Variants in ALKBH7 observed in about 807,000 individuals in gnomAD.
ALKBH7 encodes the protein RNA demethylase ALKBH7, mitochondrial.
A neutral mutation model predicts 19.3 loss-of-function variants in ALKBH7; 21 were observed. That is an observed-to-expected ratio of 1.09 (90% CI 0.77 to 1.56). The LOEUF is 1.56. Ranked by LOEUF, ALKBH7 falls within the 40% of genes most tolerant of loss-of-function variation. The probability of loss-of-function intolerance (pLI) is 0.00; values close to 1 mark genes in which losing one functional copy is unlikely to be tolerated. For synonymous variants in ALKBH7, 147 were observed against 139.5 expected (o/e 1.05, Z -0.38); for missense variants, 354 against 311.4 (o/e 1.14, Z -1.03).
intron 1 of ALKBH7, chr19:6,373,651 C>T: frequency 6.1e-6 from 7 of 1,140,040 alleles, no homozygotes; most frequent in Non-Finnish European, 7.5e-6. Context: ...GTGGGGGGGA[C>T]GGGGAAGTCG....
At position 6,372,816 on chromosome 19, in the gene ALKBH7, G is replaced by T; in HGVS notation, c.-5G>T. The T allele has an allele frequency of 6.5e-7, 1 of 1,541,932 alleles. No homozygotes were observed. ...TGCCCTCTCTCATGACCCCGCTCCG[G>T]GATTATGGCCGGGACTGGGCTGCTG... On this transcript the variant is annotated 5_prime_UTR_variant, in exon 1 of 4. Transcript: ENST00000245812.
chr19:6,375,232 C>G lies in ALKBH7; in HGVS notation c.*259C>G. Reference sequence around the variant, plus strand: ...CTCGTTGTCTCTGCATCCAGGTCTCCAATAAATAAGTCAGCCGAGCTCCCC... The same window carrying G: ...CTCGTTGTCTCTGCATCCAGGTCTCGAATAAATAAGTCAGCCGAGCTCCCC... On this transcript the variant is annotated 3_prime_UTR_variant, in exon 4 of 4. Transcript: ENST00000245812. The G allele has an allele frequency of 7.2e-7, 1 of 1,388,036 alleles. No homozygotes were observed. Among genetic ancestry groups the G allele is most frequent in the Non-Finnish European group, 9.3e-7 (1 of 1,077,048 alleles). 86.0% of individuals were successfully genotyped at this position (1,388,036 alleles called of 1,614,324 possible). A position where few individuals can be genotyped will look rare whatever the true frequency, so the allele number is the denominator to read the frequency against.
At position 6,372,955 on chromosome 19, in the gene ALKBH7, G is replaced by A. The variant is rs1242642379; in HGVS notation, c.135G>A (p.Glu45=). ...CTGGCTTCCTGAGCACGGCAGAGGA[G>A]GAGACGCTGAGCCGAGAACTGGAGC... ...VRPGFLSTAE[E]ETLSRELEPE... is the part of the protein sequence containing the mutation. Residue 45 remains glutamate, a synonymous_variant, in exon 1 of 4, where the codon GAG becomes GAA. Transcript: ENST00000245812. The A allele has an allele frequency of 6.3e-7, 1 of 1,574,946 alleles. No homozygotes were observed. Among genetic ancestry groups the A allele is most frequent in the Middle Eastern group, 2.3e-4 (1 of 4,388 alleles).
chr19:6,374,591 T>A lies in ALKBH7; in HGVS notation c.503+2T>A. 6.2e-7 allele frequency: 1 copy of A among 1,612,790 alleles called. No homozygotes were observed. Among genetic ancestry groups the A allele is most frequent in the Non-Finnish European group, 8.5e-7 (1 of 1,179,922 alleles). ...GCCGGGCTCCCTCTACATCCTTAGGTACCTCCATCCAGGCAGCACCCACCC... is the reference window on the plus strand; with the variant it reads ...GCCGGGCTCCCTCTACATCCTTAGGAACCTCCATCCAGGCAGCACCCACCC... On this transcript the variant is annotated splice_donor_variant, in intron 3 of 3. Transcript: ENST00000245812. LOFTEE classifies it high-confidence loss of function.
At chr19:6,373,935 G>A (rs1786689101) in intron 1 of ALKBH7, 1 of 985,110 alleles carries the variant, frequency 1.0e-6, no homozygotes, top group South Asian at 4.7e-5. Context: ...AGGACACTTG[G>A]GTGGGGTCAA....
At chr19:6,373,919 A>T (rs763032108) in intron 1 of ALKBH7, 52 of 985,074 alleles carry the variant, frequency 5.3e-5, no homozygotes, top group Admixed American at 3.1e-4. Context: ...GTTGAGAGAC[A>T]GAGACAGGAC....
chr19:6,375,209 C>T lies in ALKBH7; in HGVS notation c.*236C>T, dbSNP rs958345376. 76 of 1,361,864 alleles carry T rather than the reference C, an allele frequency of 5.6e-5. 1 individual carries two copies. In the South Asian group the frequency reaches 7.0e-4, roughly 13 times the overall value. The allele number at this position is 1,361,864 out of a possible 1,614,324, so 84.4% of individuals were successfully genotyped here. On this transcript the variant is annotated 3_prime_UTR_variant, in exon 4 of 4. Coordinates refer to ENST00000245812, the MANE Select transcript of ALKBH7 (RefSeq NM_032306.4). Reference sequence around the variant, plus strand: ...GGTCGCCCCAGCCCACTCCCCTCCTCGTTGTCTCTGCATCCAGGTCTCCAA... The same window carrying T: ...GGTCGCCCCAGCCCACTCCCCTCCTTGTTGTCTCTGCATCCAGGTCTCCAA...
Position 6,375,197 on chromosome 19 carries a change from C to T in ALKBH7, c.*224C>T. 2 of 1,343,084 alleles carry T rather than the reference C, an allele frequency of 1.5e-6. No individual in the cohort carries two copies. Among genetic ancestry groups the T allele is most frequent in the Non-Finnish European group, 1.9e-6 (2 of 1,034,010 alleles). The allele number at this position is 1,343,084 out of a possible 1,614,324, so 83.2% of individuals were successfully genotyped here. On this transcript the variant is annotated 3_prime_UTR_variant, in exon 4 of 4. Coordinates refer to ENST00000245812, the MANE Select transcript of ALKBH7 (RefSeq NM_032306.4). ...GCACTCACTGCTGGTCGCCCCAGCC[C>T]ACTCCCCTCCTCGTTGTCTCTGCAT...
Position 6,372,944 on chromosome 19 carries a change from A to T in ALKBH7, c.124A>T (p.Thr42Ser), listed in dbSNP as rs763178902. The T allele has an allele frequency of 1.0e-5, 16 of 1,571,134 alleles. No homozygotes were observed. Among genetic ancestry groups the T allele is most frequent in the Non-Finnish European group, 1.4e-5 (16 of 1,161,204 alleles). The change falls in exon 1 of 4, where the codon ACG (threonine) becomes TCG (serine). Residue 42 changes from threonine (T) to serine (S), a missense_variant. Thr to Ser is a moderately conservative substitution (Grantham distance 58, BLOSUM62 1). Coordinates refer to ENST00000245812, the MANE Select transcript of ALKBH7 (RefSeq NM_032306.4). ...AAVVRPGFLS[T>S]AEEETLSREL... The stretch of plus-strand genomic sequence containing the variant: ...CGTGGTGCGGCCTGGCTTCCTGAGC[A>T]CGGCAGAGGAGGAGACGCTGAGCCG...
chr19:6,373,721 G>T, intron 1 of ALKBH7: 1 of 1,261,020 alleles, frequency 7.9e-7, no homozygotes, highest in Non-Finnish European at 9.9e-7. Flanking sequence ...ATGCTGGGAT[G>T]GGGCAGGGCC....
At position 6,374,974 on chromosome 19, in the gene ALKBH7, C is replaced by G. The variant is rs1044722766; in HGVS notation, c.*1C>G. ...TGGACAGCCGCCCCCAGCCTGCTGA[C>G]CCCCAGCTTTCTACAGACACCAGAT... On this transcript the variant is annotated 3_prime_UTR_variant, in exon 4 of 4. Transcript: ENST00000245812. 6.3e-7 allele frequency: 1 copy of G among 1,589,500 alleles called. No homozygotes were observed. Among genetic ancestry groups the G allele is most frequent in the Non-Finnish European group, 8.6e-7 (1 of 1,165,322 alleles).
rs1241345072 is a variant in ALKBH7, at chr19:6,374,258, C to T, written c.260C>T (p.Ala87Val). 2 of 1,613,390 alleles carry T rather than the reference C, an allele frequency of 1.2e-6. No individual in the cohort carries two copies. The highest frequency in any genetic ancestry group is 1.7e-6 in the Non-Finnish European group (2 of 1,179,822). The change falls in exon 2 of 4, where the codon GCC becomes GTC. Residue 87 changes from alanine (A) to valine (V), a missense_variant. Physicochemically the swap from Ala to Val is moderately conservative, Grantham distance 64. Coordinates refer to ENST00000245812, the MANE Select transcript of ALKBH7 (RefSeq NM_032306.4). ...TCGCGCTGGTCAGAAGCCAGCCGGGCCATCCTGCAGCGCGTGCAGGCGGCC... is the reference window on the plus strand; with the variant it reads ...TCGCGCTGGTCAGAAGCCAGCCGGGTCATCCTGCAGCGCGTGCAGGCGGCC... ...EKSRWSEASRAILQRVQAAAF... is the reference protein window; with the variant it reads ...EKSRWSEASRVILQRVQAAAF...
In ALKBH7 at chr19:6,374,361, C is replaced by G; in HGVS notation, c.363C>G (p.His121Gln). 1 of 1,609,344 alleles carries G rather than the reference C, an allele frequency of 6.2e-7. No homozygotes were observed. The highest frequency in any genetic ancestry group is 8.5e-7 in the Non-Finnish European group (1 of 1,178,152). The change falls in exon 2 of 4, where the codon CAC (histidine) becomes CAG (glutamine). Residue 121 changes from histidine to glutamine, a missense_variant. Physicochemically the swap from His to Gln is conservative, Grantham distance 24. Transcript: ENST00000245812. The stretch of plus-strand genomic sequence containing the variant: ...AAGCCCGCGGCTACATCAAGCCCCA[C>G]GTGGACAGCATCAAGGTGGGCAGAG... ...DLEARGYIKPHVDSIKFCGAT... is the reference protein window; with the variant it reads ...DLEARGYIKPQVDSIKFCGAT...
chr19:6,374,101 G>T, intron 1 of ALKBH7, 102 bp from the exon 2 acceptor site: 1 of 1,572,148 alleles, frequency 6.4e-7, no homozygotes, highest in Non-Finnish European at 8.6e-7. Flanking sequence ...AGGGTCAAGA[G>T]TCACATAGGG....
chr19:6,374,666 A>G, intron 3 of ALKBH7, 77 bp downstream of exon 3: 7 of 1,606,268 alleles, frequency 4.4e-6, no homozygotes, highest in Middle Eastern at 4.2e-4. Flanking sequence ...ACTTTCCCTC[A>G]ATCCAGCCCT....
rs1246050163 is a variant in ALKBH7, at chr19:6,375,216, T to C, written c.*243T>C. 3 of 1,369,142 alleles carry C rather than the reference T, an allele frequency of 2.2e-6. No homozygotes were observed. The highest frequency in any genetic ancestry group is 1.5e-5 in the African/African-American group (1 of 65,952). 84.8% of individuals were successfully genotyped at this position (1,369,142 alleles called of 1,614,324 possible). On this transcript the variant is annotated 3_prime_UTR_variant, in exon 4 of 4. Transcript: ENST00000245812. ...CCAGCCCACTCCCCTCCTCGTTGTCTCTGCATCCAGGTCTCCAATAAATAA... is the reference window on the plus strand; with the variant it reads ...CCAGCCCACTCCCCTCCTCGTTGTCCCTGCATCCAGGTCTCCAATAAATAA...
Position 6,375,149 on chromosome 19 carries a change from C to T in ALKBH7, c.*176C>T, listed in dbSNP as rs2091915380. ...TGGACACATGGTCAAAGTCACAAGGCCGGGAGAGTGGTGTCCTTTATTGCA... is the reference window on the plus strand; with the variant it reads ...TGGACACATGGTCAAAGTCACAAGGTCGGGAGAGTGGTGTCCTTTATTGCA... On this transcript the variant is annotated 3_prime_UTR_variant, in exon 4 of 4. Coordinates refer to ENST00000245812, the MANE Select transcript of ALKBH7 (RefSeq NM_032306.4). The T allele has an allele frequency of 2.3e-6, 3 of 1,293,418 alleles. No individual in the cohort carries two copies. The Admixed American group carries it at 8.9e-5, about 39-fold the overall frequency. 80.1% of individuals were successfully genotyped at this position (1,293,418 alleles called of 1,614,324 possible). A position where few individuals can be genotyped will look rare whatever the true frequency, so the allele number is the denominator to read the frequency against.
In ALKBH7 at chr19:6,374,342, G is replaced by A. The variant is rs370337350; in HGVS notation, c.344G>A (p.Arg115His). ...GTGCACGTGCTGGACCTGGAAGCCCGCGGCTACATCAAGCCCCACGTGGAC... is the reference window on the plus strand; with the variant it reads ...GTGCACGTGCTGGACCTGGAAGCCCACGGCTACATCAAGCCCCACGTGGAC... ...SSVHVLDLEA[R>H]GYIKPHVDSI... is the part of the protein sequence containing the mutation. Residue 115 changes from arginine (R) to histidine (H), a missense_variant, in exon 2 of 4, where the codon CGC becomes CAC. Transcript: ENST00000245812. 90 of 1,610,696 alleles carry A rather than the reference G, an allele frequency of 5.6e-5. No individual in the cohort carries two copies. The highest frequency in any genetic ancestry group is 6.7e-5 in the Non-Finnish European group (79 of 1,179,006).
chr19:6,375,187 C>T lies in ALKBH7; in HGVS notation c.*214C>T, dbSNP rs966667713. The T allele has an allele frequency of 2.3e-6, 3 of 1,308,260 alleles. No homozygotes were observed. The highest frequency in any genetic ancestry group is 3.0e-6 in the Non-Finnish European group (3 of 1,001,484). The allele number at this position is 1,308,260 out of a possible 1,614,324, so 81.0% of individuals were successfully genotyped here. On this transcript the variant is annotated 3_prime_UTR_variant, in exon 4 of 4. Coordinates refer to ENST00000245812, the MANE Select transcript of ALKBH7 (RefSeq NM_032306.4). ...GTCCTTTATTGCACTCACTGCTGGT[C>T]GCCCCAGCCCACTCCCCTCCTCGTT... is the stretch of plus-strand genomic sequence containing the variant.
Sources: allele counts gnomAD v4.1 joint callset, GRCh38; gene constraint gnomAD v4.1.1; transcripts MANE v1.5; gene names NCBI Gene and HGNC (gene_info 2026-07-23, HGNC 2026-07-21).